Variants in PCDHGB2 observed in about 807,000 individuals in gnomAD.
PCDHGB2 encodes the protein protocadherin gamma-B2.
A neutral mutation model predicts 59.3 loss-of-function variants in PCDHGB2; 55 were observed. The ratio of observed to expected loss-of-function variants is 0.93; its 90% CI spans 0.75 to 1.16. The LOEUF (loss-of-function observed/expected upper bound fraction) is 1.16. PCDHGB2 is among the 50% of genes most tolerant of loss of function. PCDHGB2 has a pLI of 0.00. For missense variants in PCDHGB2, 1,228 were observed against 1,198.5 expected, an observed-to-expected ratio of 1.02 and a Z score of -0.36; for synonymous variants, 516 against 512.0, an observed-to-expected ratio of 1.01 and a Z score of -0.11.
At chr5:141,365,312 G>C in intron 1 of PCDHGB2, 1 of 1,614,006 alleles carries the variant, frequency 6.2e-7, no homozygotes, top group Non-Finnish European at 8.5e-7. Context: ...AGGCGCTCTT[G>C]TTGCCAGCGC....
intron 1 of PCDHGB2, among the ~76,000 whole-genome samples, chr5:141,401,414 A>G (rs539285035): frequency 1.3e-5 from 2 of 152,350 alleles, no homozygotes; most frequent in African/African-American, 4.8e-5. Flanking sequence ...AGAGAAAGAG[A>G]GAGACTGATT....
At chr5:141,384,312 T>A in intron 1 of PCDHGB2, 1 of 1,613,806 alleles carries the variant, frequency 6.2e-7, no homozygotes. Flanking sequence ...GGGCCTCCAT[T>A]TTCTTAGTGA....
chr5:141,419,075 A>G, intron 1 of PCDHGB2: 1 of 1,613,968 alleles, frequency 6.2e-7, no homozygotes, highest in Non-Finnish European at 8.5e-7. Context: ...CAAGCTAGTA[A>G]CAGATGAGGC....
intron 1 of PCDHGB2, among the ~76,000 whole-genome samples, 184 bp from the exon 2 acceptor site, chr5:141,494,623 C>A (rs2099755716): frequency 6.6e-6 from 1 of 152,146 alleles, no homozygotes; most frequent in Non-Finnish European, 1.5e-5. Flanking sequence ...GTTTCTGGTA[C>A]CTCAGACCTC....
chr5:141,445,545 A>G (rs1422837499), intron 1 of PCDHGB2, among the ~76,000 whole-genome samples: 2 of 152,256 alleles, frequency 1.3e-5, no homozygotes, highest in Non-Finnish European at 2.9e-5. Context: ...AAGGAGAAAT[A>G]CAAAAGCACT....
At chr5:141,364,229 C>T in intron 1 of PCDHGB2, 1 of 1,388,080 alleles carries the variant, frequency 7.2e-7, no homozygotes, top group Non-Finnish European at 9.6e-7. Context: ...GCCAACGCTC[C>T]ACGCCCATTT....
In PCDHGB2 at chr5:141,361,527, C is replaced by A. The variant is rs780371360; in HGVS notation, c.1392C>A (p.Asn464Lys). The A allele has an allele frequency of 6.2e-7, 1 of 1,614,060 alleles. No individual in the cohort carries two copies. Among genetic ancestry groups the A allele is most frequent in the Admixed American group, 1.7e-5 (1 of 60,032 alleles). ...QTSYMVHVAE[N>K]NPPGASIAQI... is the part of the protein sequence containing the mutation. ...CCTACATGGTTCACGTGGCAGAGAA[C>A]AATCCTCCTGGCGCCTCTATCGCTC... is the stretch of plus-strand genomic sequence containing the variant. Residue 464 changes from asparagine to lysine, a missense_variant, in exon 1 of 4, where the codon AAC becomes AAA. Asn to Lys is a moderately conservative substitution (Grantham distance 94). Transcript: ENST00000522605.
intron 1 of PCDHGB2, chr5:141,419,908 C>T: frequency 1.2e-6 from 2 of 1,613,976 alleles, no homozygotes; most frequent in Non-Finnish European, 1.7e-6. Context: ...CACCCTCTGA[C>T]TCCCAGGCTG....
intron 1 of PCDHGB2, chr5:141,415,772 T>C (rs540545854): frequency 4.5e-6 from 6 of 1,336,628 alleles, no homozygotes; most frequent in African/African-American, 1.8e-5. Context: ...TTTTTTTTTT[T>C]ACTTTCTGGT....
In PCDHGB2 at chr5:141,477,116, G is replaced by A. The variant is rs771557201; in HGVS notation, c.2422-17691G>A. ...AGACAAGGGCGCCAATCCCGAAGGA[G>A]CACATTGCAAAGTGTTGGTGGAGGT... On this transcript the variant is annotated intron_variant, in intron 1 of 3. Transcript: ENST00000522605. This position sits in a 1 kb window ranked among gnomAD's most constrained non-coding sequence, Gnocchi z 4.9. 1 of 1,614,252 alleles carries A rather than the reference G, an allele frequency of 6.2e-7. No homozygotes were observed. The highest frequency in any genetic ancestry group is 8.5e-7 in the Non-Finnish European group (1 of 1,180,052).
In PCDHGB2 at chr5:141,360,245, T is replaced by C. The variant is rs201518165; in HGVS notation, c.110T>C (p.Ile37Thr). The change falls in exon 1 of 4, where the codon ATT (isoleucine) becomes ACT (threonine). Residue 37 changes from isoleucine (I) to threonine (T), a missense_variant. Coordinates refer to ENST00000522605, the MANE Select transcript of PCDHGB2 (RefSeq NM_018923.3). The part of the protein sequence containing the change: ...GALPVQIRYS[I>T]PEELAKNSVV... ...CTCCCAGTCCAGATCCGCTATTCAA[T>C]TCCAGAGGAGCTGGCCAAAAACTCG... is the stretch of plus-strand genomic sequence containing the variant. 643 of 1,613,842 alleles carry C rather than the reference T, an allele frequency of 4.0e-4. 1 individual carries two copies. The highest frequency in any genetic ancestry group is 6.6e-4 in the Middle Eastern group (4 of 6,084).
chr5:141,471,964 T>C lies in PCDHGB2; in HGVS notation c.2422-22843T>C, dbSNP rs138170906. Among the ~76,000 whole-genome samples, 591 of 152,278 alleles carry C rather than the reference T, an allele frequency of 3.9e-3. 6 individuals are homozygous for C. Among genetic ancestry groups the C allele is most frequent in the Admixed American group, 0.011 (171 of 15,292 alleles). On this transcript the variant is annotated intron_variant, in intron 1 of 3. Transcript: ENST00000522605. ...TCTAAAACTGGATTGTGGGGTTGGT[T>C]GCATTACTGTATAAATTTATTAAAA...
Position 141,491,711 on chromosome 5 carries a change from C to A in PCDHGB2, c.2422-3096C>A, listed in dbSNP as rs528931820. ...CGGGAGCGGAGCCAGGTGAGGGGCT[C>A]GGCGCCGCCCCGGGCGACCCCTGGG... On this transcript the variant is annotated intron_variant, in intron 1 of 3. Coordinates refer to ENST00000522605, the MANE Select transcript of PCDHGB2 (RefSeq NM_018923.3). The surrounding 1 kb of genome is among the most constrained non-coding windows in gnomAD (Gnocchi z 6.9). 1.3e-4 allele frequency: 217 copies of A among 1,609,356 alleles called. 3 individuals are homozygous for A. In the South Asian group the frequency reaches 2.2e-3, roughly 17 times the overall value.
chr5:141,468,055 T>G (rs2099156893), intron 1 of PCDHGB2, among the ~76,000 whole-genome samples: 1 of 152,096 alleles, frequency 6.6e-6, no homozygotes, highest in Admixed American at 6.5e-5. Flanking sequence ...CCGGGCACAG[T>G]GGCTCACACC....
In PCDHGB2 at chr5:141,408,459, T is replaced by A; in HGVS notation, c.2421+45903T>A. 5 of 1,613,950 alleles carry A rather than the reference T, an allele frequency of 3.1e-6. No homozygotes were observed. The East Asian group carries it at 1.1e-4, about 36-fold the overall frequency. Reference sequence around the variant, plus strand: ...GACGCGGAGAGCGGGGACTTACTTGTGAAGAACCGAATAGACCGTGAGCAA... The same window carrying A: ...GACGCGGAGAGCGGGGACTTACTTGAGAAGAACCGAATAGACCGTGAGCAA... On this transcript the variant is annotated intron_variant, in intron 1 of 3. Transcript: ENST00000522605.
At position 141,487,780 on chromosome 5, in the gene PCDHGB2, C is replaced by T. The variant is rs1423149; in HGVS notation, c.2422-7027C>T. On this transcript the variant is annotated intron_variant, in intron 1 of 3. Transcript: ENST00000522605. The surrounding 1 kb of genome is among the most constrained non-coding windows in gnomAD (Gnocchi z 5.0). ...TAGACGCTGTGCTTTGTAACTGTTT[C>T]GTGAATTAACCAGAGTTGTCACAGT... 0.06 allele frequency: 91,434 copies of T among 1,526,176 alleles called. 5,728 individuals carry two copies. Among genetic ancestry groups the T allele is most frequent in the African/African-American group, 0.33 (23,789 of 72,466 alleles). The allele number at this position is 1,526,176 out of a possible 1,614,324, so 94.5% of individuals were successfully genotyped here. A position where few individuals can be genotyped will look rare whatever the true frequency, so the allele number is the denominator to read the frequency against.
chr5:141,405,546 A>G (rs2094684316), intron 1 of PCDHGB2: 1 of 630,658 alleles, frequency 1.6e-6, no homozygotes, highest in Admixed American at 2.9e-5. Context: ...CAGCCTCCCA[A>G]GTAGAGTAGC....
chr5:141,389,766 C>T (rs1217222336), intron 1 of PCDHGB2: 2 of 1,613,060 alleles, frequency 1.2e-6, no homozygotes, highest in East Asian at 4.5e-5. Context: ...GCGCACAGCG[C>T]GTGCCTTAGG....
At chr5:141,384,039 T>C in intron 1 of PCDHGB2, 1 of 1,612,888 alleles carries the variant, frequency 6.2e-7, no homozygotes, top group East Asian at 2.2e-5. Flanking sequence ...GAAAGAATGG[T>C]GAGGTGACCT....
Sources: allele counts gnomAD v4.1 joint callset (sites outside exome capture counted in the v4.1 genomes callset), GRCh38; gene constraint gnomAD v4.1.1; non-coding constraint Gnocchi (gnomAD v3.1); transcripts MANE v1.5; gene names NCBI Gene and HGNC (gene_info 2026-07-23, HGNC 2026-07-21).